Variants in ZRANB1 observed in about 807,000 individuals in gnomAD.
ZRANB1 encodes the protein ubiquitin thioesterase ZRANB1.
In ZRANB1, 16 loss-of-function variants were observed where a neutral mutation model predicts 80.5. The ratio of observed to expected loss-of-function variants is 0.20; its 90% CI spans 0.13 to 0.30. ZRANB1 has a LOEUF of 0.30. Ranked by LOEUF, ZRANB1 falls within the 10% of genes least tolerant of loss-of-function variation. The pLI is 1.00. For missense variants in ZRANB1, 576 were observed against 862.6 expected (o/e 0.67, Z 4.16); for synonymous variants, 291 against 293.1 (o/e 0.99, Z 0.07).
chr10:124,937,337 C>G (rs1041504458), upstream of ZRANB1, among the ~76,000 whole-genome samples: 2 of 151,874 alleles, frequency 1.3e-5, no homozygotes, highest in Non-Finnish European at 2.9e-5. Flanking sequence ...TAGGCACCTG[C>G]CACCACGCCC....
chr10:124,981,498 A>G (rs1281570842), intron 5 of ZRANB1: 1 of 391,868 alleles, frequency 2.6e-6, no homozygotes, highest in African/African-American at 2.1e-5. Flanking sequence ...TCAAATTCTG[A>G]CTAAAGATGT....
At chr10:124,923,576 GAAAAGA>G in the ZRANB1 span, among the ~76,000 whole-genome samples, 1 of 151,914 alleles carries the variant, frequency 6.6e-6, no homozygotes, top group Non-Finnish European at 1.5e-5. Flanking sequence ...TGCCTCGGAA[GAAAAGA>G]AAAAGAACTA....
upstream of ZRANB1, among the ~76,000 whole-genome samples, chr10:124,937,563 T>C (rs2134234851): frequency 6.6e-6 from 1 of 152,298 alleles, no homozygotes; most frequent in East Asian, 1.9e-4. Flanking sequence ...GCTACAATTT[T>C]GAGGAATTGA....
chr10:124,923,364 C>CAGGT, the ZRANB1 span, among the ~76,000 whole-genome samples: 11 of 150,858 alleles, frequency 7.3e-5, no homozygotes, highest in Non-Finnish European at 4.4e-5. Flanking sequence ...GAGGCCAAGG[C>CAGGT]AGGTGGATCA....
chr10:124,952,838 A>C (rs1304147915), intron 1 of ZRANB1, among the ~76,000 whole-genome samples: 1 of 151,982 alleles, frequency 6.6e-6, no homozygotes, highest in Non-Finnish European at 1.5e-5. Flanking sequence ...TCGAACTCCT[A>C]ACCTCAGGTG....
intron 1 of ZRANB1, among the ~76,000 whole-genome samples, chr10:124,960,017 A>G (rs1489391086): frequency 6.6e-6 from 1 of 152,198 alleles, no homozygotes; most frequent in Non-Finnish European, 1.5e-5. Context: ...GAGTTTAGAA[A>G]GCCAGATTTT....
At chr10:124,976,498 T>A (rs531949219) in intron 5 of ZRANB1, among the ~76,000 whole-genome samples, 1 of 152,094 alleles carries the variant, frequency 6.6e-6, no homozygotes, top group East Asian at 1.9e-4. Flanking sequence ...TGAACTGTGG[T>A]AAATCTACCA....
chr10:124,987,803 G>A lies in ZRANB1; in HGVS notation c.*2811G>A, dbSNP rs1373086180. 1 of 152,164 alleles carries A rather than the reference G, an allele frequency of 6.6e-6. No homozygotes were observed. Among genetic ancestry groups the A allele is most frequent in the Non-Finnish European group, 1.5e-5 (1 of 68,036 alleles). 9.4% of individuals were successfully genotyped at this position (152,164 alleles called of 1,614,324 possible). A position where few individuals can be genotyped will look rare whatever the true frequency, so the allele number is the denominator to read the frequency against. On this transcript the variant is annotated 3_prime_UTR_variant, in exon 9 of 9. Transcript: ENST00000359653. ...AGGGAAGTATAAGGAAGAGCTCAGA[G>A]GGAGTTTCATACCTGGAATTGTTGG...
chr10:124,961,408 C>G (rs894017925), intron 1 of ZRANB1, among the ~76,000 whole-genome samples: 1 of 152,218 alleles, frequency 6.6e-6, no homozygotes, highest in Admixed American at 6.5e-5. Context: ...TGTTTCAGCC[C>G]TGTTAACATT....
chr10:124,942,727 T>C lies in ZRANB1; in HGVS notation c.234T>C (p.Ser78=), dbSNP rs1173007565. ...PDSSARPRVK[S]SYSMENANKW... ...CTAGTGCAAGACCAAGGGTGAAATC[T>C]TCGTATAGCATGGAAAATGCAAATA... The change falls in exon 1 of 9, where the codon TCT becomes TCC. Residue 78 remains serine, a synonymous_variant. Transcript: ENST00000359653. 12 of 1,614,090 alleles carry C rather than the reference T, an allele frequency of 7.4e-6. No homozygotes were observed. Among genetic ancestry groups the C allele is most frequent in the Non-Finnish European group, 7.6e-6 (9 of 1,180,046 alleles).
chr10:124,928,221 A>G, the ZRANB1 span, among the ~76,000 whole-genome samples: 6 of 152,164 alleles, frequency 3.9e-5, no homozygotes, highest in African/African-American at 1.2e-4. Context: ...TTACGAGTGA[A>G]GGCATGGAGA....
chr10:124,971,830 A>C, intron 2 of ZRANB1, 135 bp from the exon 3 acceptor site: 4 of 745,604 alleles, frequency 5.4e-6, no homozygotes, highest in Non-Finnish European at 8.0e-6. Context: ...TGGTAAGGAA[A>C]TAATACCAGT....
At chr10:124,939,796 G>A (rs917361634), upstream of ZRANB1, among the ~76,000 whole-genome samples, 2 of 152,056 alleles carry the variant, frequency 1.3e-5, no homozygotes, top group Admixed American at 1.3e-4. Context: ...AAAAGAATCT[G>A]CCTAAAGAGT....
intron 5 of ZRANB1, among the ~76,000 whole-genome samples, chr10:124,980,911 G>A (rs1212742569): frequency 2.0e-5 from 3 of 152,142 alleles, no homozygotes; most frequent in South Asian, 2.1e-4. Flanking sequence ...ACGTGTTCAC[G>A]TTTAACTTTA....
At chr10:124,975,498 A>G (rs1332720808) in intron 5 of ZRANB1, among the ~76,000 whole-genome samples, 1 of 152,192 alleles carries the variant, frequency 6.6e-6, no homozygotes, top group Non-Finnish European at 1.5e-5. Flanking sequence ...AATTGTATCA[A>G]AGTGTTCTTT....
At chr10:124,952,373 G>A (rs1951646677) in intron 1 of ZRANB1, among the ~76,000 whole-genome samples, 1 of 152,128 alleles carries the variant, frequency 6.6e-6, no homozygotes, top group East Asian at 1.9e-4. Context: ...GAGTTGCAGG[G>A]CCCTGAGGCA....
At chr10:124,980,621 A>G (rs1653844737) in intron 5 of ZRANB1, among the ~76,000 whole-genome samples, 1 of 152,242 alleles carries the variant, frequency 6.6e-6, no homozygotes, top group Non-Finnish European at 1.5e-5. Flanking sequence ...ATTATGATTA[A>G]ACATCCTCAG....
chr10:124,953,206 G>A (rs1271908316), intron 1 of ZRANB1, among the ~76,000 whole-genome samples: 3 of 151,846 alleles, frequency 2.0e-5, no homozygotes, highest in Non-Finnish European at 2.9e-5. Flanking sequence ...GATTACAGGC[G>A]TGAGCCACTG....
In ZRANB1 at chr10:124,984,884, C is replaced by T; in HGVS notation, c.2019C>T (p.His673=). Residue 673 remains histidine, a synonymous_variant, in exon 9 of 9, where the codon CAC becomes CAT. Coordinates refer to ENST00000359653, the MANE Select transcript of ZRANB1 (RefSeq NM_017580.3). ...AMQKSSRRRN[H]PLVTQMVEKW... Reference sequence around the variant, plus strand: ...AGAAGAGTTCTCGGCGGCGAAATCACCCCCTGGTCACTCAGATGGTAGAAA... The same window carrying T: ...AGAAGAGTTCTCGGCGGCGAAATCATCCCCTGGTCACTCAGATGGTAGAAA... 1 of 1,613,976 alleles carries T rather than the reference C, an allele frequency of 6.2e-7. No homozygotes were observed. The highest frequency in any genetic ancestry group is 8.5e-7 in the Non-Finnish European group (1 of 1,180,010).
Sources: gnomAD v4.1 joint callset for allele counts (sites outside exome capture counted in the v4.1 genomes callset) on GRCh38, gnomAD v4.1.1 for gene constraint, MANE v1.5 for transcripts, NCBI Gene and HGNC (gene_info 2026-07-23, HGNC 2026-07-21) for gene names.